Variants in ACSL5 observed in about 807,000 individuals in gnomAD.
ACSL5 encodes the protein long-chain-fatty-acid--CoA ligase 5.
ACSL5 carries 50 observed loss-of-function variants against 84.9 expected under a neutral mutation model. The observed-to-expected ratio is 0.59, with a 90% CI of 0.47 to 0.75. The LOEUF (loss-of-function observed/expected upper bound fraction) is 0.75. Ranked by LOEUF, ACSL5 falls within the 30% of genes least tolerant of loss-of-function variation. ACSL5 has a pLI of 0.00. For missense variants in ACSL5, 775 were observed against 830.4 expected, an observed-to-expected ratio of 0.93 and a Z score of 0.82; for synonymous variants, 280 against 300.7, an observed-to-expected ratio of 0.93 and a Z score of 0.71.
intron 16 of ACSL5, 124 bp from the exon 17 acceptor site, chr10:112,422,201 T>C: frequency 1.9e-6 from 2 of 1,075,428 alleles, no homozygotes; most frequent in South Asian, 1.4e-5. Context: ...GACTTAGATC[T>C]GGTGCTCTTC....
intron 15 of ACSL5, 35 bp from the exon 16 acceptor site, chr10:112,421,912 G>A: frequency 6.3e-7 from 1 of 1,588,750 alleles, no homozygotes; most frequent in Non-Finnish European, 8.6e-7. Context: ...CACCATGCAA[G>A]AGTTTCTCAG....
chr10:112,422,303 G>A (rs561815402), intron 16 of ACSL5, 22 bp from the exon 17 acceptor site: 24 of 1,599,222 alleles, frequency 1.5e-5, no homozygotes, highest in Admixed American at 1.2e-4. Context: ...TATTGTCACC[G>A]CCTTGTATGT....
chr10:112,413,791 A>G (rs191494848), intron 12 of ACSL5, among the ~76,000 whole-genome samples: 3 of 152,328 alleles, frequency 2.0e-5, no homozygotes, highest in East Asian at 3.9e-4. Flanking sequence ...TTCCTTGGAT[A>G]AGATGACTTG....
chr10:112,413,665 C>T (rs1844240823), intron 12 of ACSL5, among the ~76,000 whole-genome samples: 2 of 152,118 alleles, frequency 1.3e-5, no homozygotes, highest in Admixed American at 1.3e-4. Flanking sequence ...GCGGAGGTTG[C>T]AGTGAGCCAA....
intron 1 of ACSL5, among the ~76,000 whole-genome samples, chr10:112,382,629 A>T (rs1463492648): frequency 1.3e-5 from 2 of 152,166 alleles, no homozygotes; most frequent in South Asian, 2.1e-4. Context: ...TGTGCAATTC[A>T]GCAGCAAAGA....
intron 1 of ACSL5, among the ~76,000 whole-genome samples, chr10:112,376,665 T>C (rs1849246281): frequency 1.3e-5 from 2 of 151,976 alleles, no homozygotes. Flanking sequence ...ATGTGGGGCA[T>C]GCATGGGGCT....
intron 3 of ACSL5, among the ~76,000 whole-genome samples, chr10:112,401,824 C>G (rs1476418473): frequency 1.8e-5 from 2 of 110,972 alleles, no homozygotes; most frequent in Non-Finnish European, 3.9e-5. Flanking sequence ...TTCTTTCTTT[C>G]TTTCTTTCTT....
At chr10:112,379,289 C>G (rs950998524) in intron 1 of ACSL5, among the ~76,000 whole-genome samples, 1 of 152,042 alleles carries the variant, frequency 6.6e-6, no homozygotes, top group African/African-American at 2.4e-5. Flanking sequence ...CCTGTAATCC[C>G]AGCTACTCGG....
chr10:112,411,714 G>A (rs374251236), intron 10 of ACSL5, among the ~76,000 whole-genome samples, 185 bp downstream of exon 10: 8 of 152,072 alleles, frequency 5.3e-5, no homozygotes, highest in Admixed American at 1.3e-4. Context: ...ATTTTCAAGC[G>A]TTGGTCTTTT....
chr10:112,376,406 C>T (rs1266158080), intron 1 of ACSL5: 1 of 1,614,044 alleles, frequency 6.2e-7, no homozygotes, highest in South Asian at 1.1e-5. Flanking sequence ...GCCGGGAAGC[C>T]CCCATTCACT....
At chr10:112,383,882 AC>A (rs1180161759) in intron 1 of ACSL5, among the ~76,000 whole-genome samples, 1 of 151,816 alleles carries the variant, frequency 6.6e-6, no homozygotes, top group Non-Finnish European at 1.5e-5. Context: ...CACTGAGACT[AC>A]GCTACGCCTC....
rs746393521 is a variant in ACSL5, at chr10:112,409,548, T to A, written c.574T>A (p.Leu192Met). ...GATCTGTGACACACCCCAAAAGGCA[T>A]TGGTGCTGATAGGGAATGTAGAGAA... ...MVICDTPQKA[L>M]VLIGNVEKGF... Residue 192 changes from leucine to methionine, a missense_variant, in exon 7 of 21, where the codon TTG becomes ATG. Coordinates refer to ENST00000354655, the MANE Select transcript of ACSL5 (RefSeq NM_203379.2). 5.0e-6 allele frequency: 8 copies of A among 1,613,754 alleles called. No individual in the cohort carries two copies. The South Asian group carries it at 8.8e-5, about 18-fold the overall frequency.
chr10:112,404,840 T>C (rs1353963126), intron 5 of ACSL5, 34 bp downstream of exon 5: 4 of 1,564,624 alleles, frequency 2.6e-6, no homozygotes, highest in Non-Finnish European at 3.5e-6. Context: ...AGGAAATGAG[T>C]CAGGGTTAAG....
At chr10:112,409,432 C>T (rs3736947) in intron 6 of ACSL5, 75 bp from the exon 7 acceptor site, 2 of 1,429,202 alleles carry the variant, frequency 1.4e-6, no homozygotes, top group Non-Finnish European at 1.9e-6. Flanking sequence ...ACTTTTAAAA[C>T]CTCTTCCTTC....
intron 3 of ACSL5, among the ~76,000 whole-genome samples, chr10:112,401,825 T>TTTCC (rs1843909711): frequency 8.8e-6 from 1 of 113,978 alleles, no homozygotes; most frequent in South Asian, 3.4e-4. Context: ...TCTTTCTTTC[T>TTTCC]TTCTTTCTTT....
intron 1 of ACSL5, among the ~76,000 whole-genome samples, chr10:112,387,934 T>C (rs909858382): frequency 1.6e-5 from 2 of 127,632 alleles, no homozygotes; most frequent in African/African-American, 5.6e-5. Context: ...ATTTATTTGT[T>C]CCTTTTTTTT....
intron 1 of ACSL5, among the ~76,000 whole-genome samples, chr10:112,381,905 T>A (rs1324807661): frequency 6.6e-6 from 1 of 151,888 alleles, no homozygotes; most frequent in Non-Finnish European, 1.5e-5. Flanking sequence ...TCAAAAAAAA[T>A]AAAAAGTAAA....
intron 1 of ACSL5, among the ~76,000 whole-genome samples, chr10:112,383,058 C>G (rs1027573389): frequency 1.3e-5 from 2 of 152,270 alleles, no homozygotes; most frequent in South Asian, 4.1e-4. Flanking sequence ...CGCTTCAGCC[C>G]AGGAGTTCAA....
intron 1 of ACSL5, among the ~76,000 whole-genome samples, chr10:112,385,304 C>T (rs1484642922): frequency 1.3e-5 from 2 of 152,186 alleles, no homozygotes; most frequent in African/African-American, 4.8e-5. Flanking sequence ...TTGAGCCCAA[C>T]TAGTCTGAGC....
Sources: gnomAD v4.1 joint callset for allele counts (sites outside exome capture counted in the v4.1 genomes callset) on GRCh38, gnomAD v4.1.1 for gene constraint, MANE v1.5 for transcripts, NCBI Gene and HGNC (gene_info 2026-07-23, HGNC 2026-07-21) for gene names.